C6orf62: variants seen among roughly 807,000 people sequenced by gnomAD.
C6orf62 encodes the protein chromosome 6 open reading frame 62, also known as uncharacterized protein C6orf62.
C6orf62 carries 16 observed loss-of-function variants against 26.8 expected under a neutral mutation model. That is an observed-to-expected ratio of 0.60 (90% CI 0.40 to 0.91). The LOEUF (loss-of-function observed/expected upper bound fraction) is 0.91. C6orf62 is among the 40% of genes least tolerant of loss of function. The pLI, the probability that C6orf62 is intolerant of heterozygous loss-of-function variation, is 0.00. For synonymous variants in C6orf62, 112 were observed against 91.5 expected (o/e 1.22, Z -1.28); for missense variants, 192 against 271.4 (o/e 0.71, Z 2.06).
chr6:24,717,203 G>A (rs1056163681), intron 1 of C6orf62, among the ~76,000 whole-genome samples: 23 of 152,182 alleles, frequency 1.5e-4, no homozygotes, highest in East Asian at 1.9e-4. Context: ...CCAGATTATC[G>A]TTGGTGTTAA....
At chr6:24,720,298 G>T, upstream of C6orf62, 1 of 1,295,892 alleles carries the variant, frequency 7.7e-7, no homozygotes. Context: ...CGGCGGCGGC[G>T]GGGGCGCTGC....
At chr6:24,720,294 CGGCGGGGGCGCTGCTGGTAGCACG>C, upstream of C6orf62, 1 of 1,304,544 alleles carries the variant, frequency 7.7e-7, no homozygotes. Context: ...GAGGCGGCGG[CGGCGGGGGCGCTGCTGGTAGCACG>C]GGCAGGAGCC....
upstream of C6orf62, chr6:24,720,763 T>TC (rs907206880): frequency 3.8e-3 from 560 of 148,492 alleles, 2 homozygotes; most frequent in Middle Eastern, 0.025. Flanking sequence ...ACTGCCTCGT[T>TC]CCCCCCCCCG....
intron 2 of C6orf62, among the ~76,000 whole-genome samples, chr6:24,715,468 A>T (rs1042122804): frequency 6.6e-6 from 1 of 152,246 alleles, no homozygotes; most frequent in Non-Finnish European, 1.5e-5. Context: ...AAAGTTGTCC[A>T]TGTTTTACTC....
At position 24,718,965 on chromosome 6, in the gene C6orf62, C is replaced by G; in HGVS notation, c.-297G>C. 8.5e-7 allele frequency: 1 copy of G among 1,174,396 alleles called. No individual in the cohort carries two copies. The highest frequency in any genetic ancestry group is 1.6e-5 in the African/African-American group (1 of 61,286). The allele number at this position is 1,174,396 out of a possible 1,614,324, so 72.7% of individuals were successfully genotyped here. ...GAAAGAGGAGAAAATAACTAACTTT[C>G]TGGAAAACACATTTGGCTTAACTGC... On this transcript the variant is annotated 5_prime_UTR_variant, in exon 1 of 5. Coordinates refer to ENST00000378119, the MANE Select transcript of C6orf62 (RefSeq NM_030939.5).
chr6:24,719,456 A>G (rs1342680723), upstream of C6orf62: 3 of 1,087,914 alleles, frequency 2.8e-6, no homozygotes, highest in East Asian at 2.4e-4. Context: ...TGTGGCCCAA[A>G]GGAGCCATGA....
In C6orf62 at chr6:24,718,922, G is replaced by A. The variant is rs1191304418; in HGVS notation, c.-254C>T. 1.6e-6 allele frequency: 2 copies of A among 1,269,704 alleles called. No individual in the cohort carries two copies. Among genetic ancestry groups the A allele is most frequent in the Non-Finnish European group, 2.0e-6 (2 of 1,007,250 alleles). The allele number at this position is 1,269,704 out of a possible 1,614,324, so 78.7% of individuals were successfully genotyped here. On this transcript the variant is annotated 5_prime_UTR_variant, in exon 1 of 5. Coordinates refer to ENST00000378119, the MANE Select transcript of C6orf62 (RefSeq NM_030939.5). ...AACGTTTGGGGTCAGACGGGAAAAAGGGAGGAAAGAAAGGAAAGAAAGAGG... is the reference window on the plus strand; with the variant it reads ...AACGTTTGGGGTCAGACGGGAAAAAAGGAGGAAAGAAAGGAAAGAAAGAGG...
At chr6:24,714,181 C>T in intron 3 of C6orf62, 137 bp downstream of exon 3, 1 of 619,910 alleles carries the variant, frequency 1.6e-6, no homozygotes. Flanking sequence ...TCTTGCATCA[C>T]AATATTCTAA....
chr6:24,709,839 TATG>T (rs1286994825), intron 3 of C6orf62: 1 of 985,396 alleles, frequency 1.0e-6, no homozygotes, highest in African/African-American at 1.7e-5. Context: ...GATTTAACAA[TATG>T]ATATTTAGAC....
chr6:24,718,263 T>G lies in C6orf62; in HGVS notation c.129+277A>C, dbSNP rs369182359. ...TTCCCATGTTAACTCCATATAAAAT[T>G]TTGTAATCTTGCCCACCCCATGTCA... On this transcript the variant is annotated intron_variant, in intron 1 of 4. Coordinates refer to ENST00000378119, the MANE Select transcript of C6orf62 (RefSeq NM_030939.5). Among the ~76,000 whole-genome samples the G allele has an allele frequency of 5.1e-4, 77 of 152,192 alleles. 1 individual carries two copies. Among genetic ancestry groups the G allele is most frequent in the African/African-American group, 1.4e-3 (59 of 41,446 alleles).
At chr6:24,714,940 A>C (rs1229848426) in intron 2 of C6orf62, among the ~76,000 whole-genome samples, 1 of 151,806 alleles carries the variant, frequency 6.6e-6, no homozygotes, top group Non-Finnish European at 1.5e-5. Flanking sequence ...TTTATCTTAC[A>C]GAGAGTCACA....
At chr6:24,711,391 T>G (rs1779118149) in intron 3 of C6orf62, among the ~76,000 whole-genome samples, 1 of 152,052 alleles carries the variant, frequency 6.6e-6, no homozygotes, top group African/African-American at 2.4e-5. Context: ...AGAGATACAT[T>G]TTAGTAGTAC....
chr6:24,709,060 CAAT>C (rs1402662260), intron 3 of C6orf62, 149 bp from the exon 4 acceptor site: 14 of 1,443,992 alleles, frequency 9.7e-6, no homozygotes, highest in Non-Finnish European at 1.1e-5. Flanking sequence ...AACCCACAGC[CAAT>C]AATATCACAG....
chr6:24,715,765 T>C (rs1266785787), intron 2 of C6orf62, among the ~76,000 whole-genome samples: 1 of 150,216 alleles, frequency 6.7e-6, no homozygotes. Flanking sequence ...GGAGAATCAT[T>C]TGAATGCGCG....
At chr6:24,708,174 G>A (rs1340264234) in intron 4 of C6orf62, among the ~76,000 whole-genome samples, 1 of 151,362 alleles carries the variant, frequency 6.6e-6, no homozygotes, top group Non-Finnish European at 1.5e-5. Context: ...TGGTAGACAC[G>A]CTTTAGGGCA....
At chr6:24,712,393 G>A (rs1025126397) in intron 3 of C6orf62, among the ~76,000 whole-genome samples, 9 of 150,744 alleles carry the variant, frequency 6.0e-5, no homozygotes, top group East Asian at 2.0e-4. Flanking sequence ...AAAAAAGGAC[G>A]GGCATGGTGG....
chr6:24,719,665 A>G (rs1352721183), upstream of C6orf62: 24 of 1,456,296 alleles, frequency 1.6e-5, no homozygotes, highest in Non-Finnish European at 2.0e-5. Flanking sequence ...CTAGTCCTAC[A>G]TTCCCCAAGG....
upstream of C6orf62, chr6:24,719,194 A>G: frequency 1.0e-6 from 1 of 987,550 alleles, no homozygotes; most frequent in Non-Finnish European, 1.2e-6. Context: ...AACCAAAACC[A>G]AAACCAAACA....
At chr6:24,718,349 C>A (rs925215320) in intron 1 of C6orf62, among the ~76,000 whole-genome samples, 191 bp downstream of exon 1, 3 of 151,918 alleles carry the variant, frequency 2.0e-5, no homozygotes, top group African/African-American at 7.3e-5. Context: ...AAAGAACGCT[C>A]AAGGGTCTTT....
Sources: gnomAD v4.1 joint callset for allele counts (sites outside exome capture counted in the v4.1 genomes callset) on GRCh38, gnomAD v4.1.1 for gene constraint, MANE v1.5 for transcripts, NCBI Gene and HGNC (gene_info 2026-07-23, HGNC 2026-07-21) for gene names.